Variants in SRGAP3 observed in about 807,000 individuals in gnomAD.
SRGAP3 encodes the protein SLIT-ROBO Rho GTPase-activating protein 3.
A neutral mutation model predicts 121.1 loss-of-function variants in SRGAP3; 39 were observed. The ratio of observed to expected loss-of-function variants is 0.32; its 90% CI spans 0.25 to 0.42. The LOEUF (loss-of-function observed/expected upper bound fraction) is 0.42. SRGAP3 is among the 10% of genes least tolerant of loss of function. SRGAP3 has a pLI of 1.00. For synonymous variants in SRGAP3, 601 were observed against 570.0 expected, an observed-to-expected ratio of 1.05 and a Z score of -0.77; for missense variants, 1,213 against 1,470.6, an observed-to-expected ratio of 0.82 and a Z score of 2.86.
intron 3 of SRGAP3, among the ~76,000 whole-genome samples, chr3:9,276,748 C>G (rs571178988): frequency 4.1e-4 from 62 of 152,358 alleles, no homozygotes; most frequent in African/African-American, 1.4e-3. Flanking sequence ...TATTACCTCC[C>G]TGATTGGGCT....
intron 1 of SRGAP3, among the ~76,000 whole-genome samples, chr3:9,179,309 T>G (rs755824680): frequency 6.6e-6 from 1 of 152,232 alleles, no homozygotes; most frequent in Non-Finnish European, 1.5e-5. Context: ...GGCTCTGGAA[T>G]CAGGCATACC....
At chr3:9,034,944 TC>T (rs1055443285) in intron 11 of SRGAP3, 1 of 152,144 alleles carries the variant, frequency 6.6e-6, no homozygotes, top group Non-Finnish European at 1.5e-5. Context: ...CATTTCCTTA[TC>T]ACATTGCATG....
intron 3 of SRGAP3, among the ~76,000 whole-genome samples, chr3:9,081,755 C>T (rs981303394): frequency 2.0e-5 from 3 of 152,188 alleles, no homozygotes; most frequent in South Asian, 2.1e-4. Flanking sequence ...AAAATTATCT[C>T]TAGGTTCCAT....
intron 1 of SRGAP3, among the ~76,000 whole-genome samples, chr3:9,347,384 G>A (rs1420111889): frequency 6.6e-6 from 1 of 152,110 alleles, no homozygotes; most frequent in Non-Finnish European, 1.5e-5. Flanking sequence ...TTAATTTGTA[G>A]AGACAGGGCA....
At chr3:9,153,468 C>T (rs1326182556) in intron 1 of SRGAP3, among the ~76,000 whole-genome samples, 1 of 152,202 alleles carries the variant, frequency 6.6e-6, no homozygotes, top group Non-Finnish European at 1.5e-5. Context: ...CATATCCTTA[C>T]CCACATTCTA....
upstream of SRGAP3, among the ~76,000 whole-genome samples, chr3:9,253,562 A>G (rs1225737363): frequency 6.6e-6 from 1 of 152,200 alleles, no homozygotes; most frequent in Non-Finnish European, 1.5e-5. Flanking sequence ...TTCTGGTCGA[A>G]TATGAACACC....
chr3:9,287,427 C>A (rs1954795057), intron 3 of SRGAP3, among the ~76,000 whole-genome samples: 1 of 152,170 alleles, frequency 6.6e-6, no homozygotes, highest in Admixed American at 6.5e-5. Context: ...AAATGTTTTT[C>A]CACTTCCTGG....
At chr3:9,048,147 C>G (rs1945382538) in intron 9 of SRGAP3, among the ~76,000 whole-genome samples, 1 of 152,274 alleles carries the variant, frequency 6.6e-6, no homozygotes, top group East Asian at 1.9e-4. Context: ...TAGTTCAGGG[C>G]TCTGGCCCAG....
chr3:9,125,069 C>T (rs767284624), intron 1 of SRGAP3, 152 bp from the exon 2 acceptor site: 6 of 834,852 alleles, frequency 7.2e-6, no homozygotes, highest in Non-Finnish European at 1.1e-5. Flanking sequence ...TCAGACCTTG[C>T]TTGGCAGAGC....
chr3:9,038,005 C>G, intron 11 of SRGAP3, 58 bp downstream of exon 11: 1 of 1,611,632 alleles, frequency 6.2e-7, no homozygotes, highest in Non-Finnish European at 8.5e-7. Flanking sequence ...CTCCCCAGCC[C>G]CATCCCACTC....
rs542767516 is a variant in SRGAP3, at chr3:9,359,305, C to T, written n.214+3535G>A. ...GTTCTCCTTGGAGGGTCCATACTAT[C>T]TTTATGTAGATAGGGAAAAAGTCTC... is the stretch of plus-strand genomic sequence containing the variant. On this transcript the variant is annotated intron_variant and non_coding_transcript_variant, in intron 1 of 3. Coordinates refer to the SRGAP3 transcript ENST00000490889. Among the ~76,000 whole-genome samples the T allele has an allele frequency of 6.6e-5, 10 of 152,248 alleles. No individual in the cohort carries two copies. The East Asian group carries it at 1.9e-3, about 29-fold the overall frequency.
chr3:9,248,773 A>G (rs1356518722), intron 1 of SRGAP3, 112 bp downstream of exon 1: 1 of 1,113,450 alleles, frequency 9.0e-7, no homozygotes, highest in Non-Finnish European at 1.4e-6. Context: ...TTATTGATGC[A>G]TAACATTTCA....
intron 1 of SRGAP3, among the ~76,000 whole-genome samples, chr3:9,133,126 T>C (rs1231252767): frequency 1.3e-5 from 2 of 151,766 alleles, no homozygotes; most frequent in East Asian, 3.9e-4. Flanking sequence ...ATTTCCTCTG[T>C]TTTTATACAT....
At chr3:9,161,970 TG>T (rs1950613790) in intron 1 of SRGAP3, among the ~76,000 whole-genome samples, 1 of 152,126 alleles carries the variant, frequency 6.6e-6, no homozygotes, top group African/African-American at 2.4e-5. Flanking sequence ...ATCCACATAG[TG>T]GAATAGTCTT....
intron 4 of SRGAP3, among the ~76,000 whole-genome samples, chr3:9,066,658 C>T (rs1433512409): frequency 3.3e-5 from 5 of 152,164 alleles, no homozygotes; most frequent in African/African-American, 7.2e-5. Flanking sequence ...CGCCACAATG[C>T]CCGGCTAATG....
intron 1 of SRGAP3, among the ~76,000 whole-genome samples, chr3:9,180,150 AAG>A (rs1262688824): frequency 1.3e-5 from 2 of 152,240 alleles, no homozygotes; most frequent in Non-Finnish European, 2.9e-5. Context: ...CACAGCTGCC[AAG>A]AGAGGTGTGG....
At chr3:9,023,070 G>T (rs539658313) in intron 14 of SRGAP3, among the ~76,000 whole-genome samples, 1 of 152,304 alleles carries the variant, frequency 6.6e-6, no homozygotes, top group South Asian at 2.1e-4. Context: ...GGGGTTGCCC[G>T]TGGCAACAAG....
At chr3:9,151,264 G>C (rs796971137) in intron 1 of SRGAP3, among the ~76,000 whole-genome samples, 5 of 152,258 alleles carry the variant, frequency 3.3e-5, no homozygotes, top group African/African-American at 1.2e-4. Context: ...AAGAGCATAC[G>C]GGGGAAGGAA....
intron 1 of SRGAP3, chr3:9,348,832 T>C (rs2029895400): frequency 1.4e-5 from 19 of 1,340,796 alleles, no homozygotes; most frequent in Non-Finnish European, 1.7e-5. Context: ...CCGACCATCC[T>C]TTCTACAACA....
Sources: allele counts gnomAD v4.1 joint callset (sites outside exome capture counted in the v4.1 genomes callset), GRCh38; gene constraint gnomAD v4.1.1; transcripts MANE v1.5; gene names NCBI Gene and HGNC (gene_info 2026-07-23, HGNC 2026-07-21).